CCDC77: variants seen among roughly 807,000 people sequenced by gnomAD.
CCDC77 encodes coiled-coil domain containing 77.
In CCDC77, 56 loss-of-function variants were observed where a neutral mutation model predicts 66.8. The ratio of observed to expected loss-of-function variants is 0.84; its 90% CI spans 0.68 to 1.05. The LOEUF (loss-of-function observed/expected upper bound fraction) is 1.05, where lower values mean the gene tolerates loss of function less well. Ranked by LOEUF, CCDC77 falls within the 50% of genes least tolerant of loss-of-function variation. The pLI is 0.00. For missense variants in CCDC77, 570 were observed against 576.8 expected, an observed-to-expected ratio of 0.99 and a Z score of 0.12; for synonymous variants, 196 against 195.2, an observed-to-expected ratio of 1.00 and a Z score of -0.03.
intron 5 of CCDC77, among the ~76,000 whole-genome samples, chr12:423,494 G>GTTTGTTTTTGTTTTTT (rs1945469706): frequency 2.8e-5 from 1 of 35,416 alleles, no homozygotes; most frequent in African/African-American, 1.2e-4. Flanking sequence ...TTTTTGTTTT[G>GTTTGTTTTTGTTTTTT]TTTTTTTTTT....
chr12:417,243 G>A (rs548483173), intron 4 of CCDC77, among the ~76,000 whole-genome samples: 3 of 151,712 alleles, frequency 2.0e-5, no homozygotes, highest in East Asian at 1.9e-4. Flanking sequence ...CTCAAGTTTC[G>A]TCTGTGTTGT....
intron 12 of CCDC77, 110 bp downstream of exon 12, chr12:441,106 C>G (rs1945850177): frequency 9.0e-7 from 1 of 1,114,660 alleles, no homozygotes; most frequent in Non-Finnish European, 1.3e-6. Flanking sequence ...CTGGTAAACA[C>G]TAACAGATCA....
intron 5 of CCDC77, among the ~76,000 whole-genome samples, chr12:419,316 G>A (rs1050417027): frequency 3.9e-5 from 6 of 152,240 alleles, no homozygotes; most frequent in Non-Finnish European, 5.9e-5. Flanking sequence ...AAACTTGGGA[G>A]AAGAAGCCCC....
At chr12:419,341 C>G (rs1385853122) in intron 5 of CCDC77, among the ~76,000 whole-genome samples, 1 of 152,208 alleles carries the variant, frequency 6.6e-6, no homozygotes, top group Non-Finnish European at 1.5e-5. Flanking sequence ...AGCCAAGTGT[C>G]ATTTTTCAGA....
intron 5 of CCDC77, among the ~76,000 whole-genome samples, chr12:423,477 GTGTTTTTTTTTGTTTTGTTTT>G (rs1591981683): frequency 8.0e-5 from 2 of 24,958 alleles, no homozygotes; most frequent in Non-Finnish European, 2.1e-4. Context: ...TGTGTTTTTT[GTGTTTTTTTTTGTTTTGTTTT>G]TTTTTTTTTT....
chr12:402,652 T>C (rs1045052771), intron 1 of CCDC77, among the ~76,000 whole-genome samples: 3 of 152,242 alleles, frequency 2.0e-5, no homozygotes, highest in Non-Finnish European at 4.4e-5. Context: ...TTGGATTTAA[T>C]GCTTTAGGCT....
chr12:392,409 T>G (rs1721567441), intron 1 of CCDC77, among the ~76,000 whole-genome samples: 1 of 152,152 alleles, frequency 6.6e-6, no homozygotes, highest in Non-Finnish European at 1.5e-5. Flanking sequence ...TTTCCACCAG[T>G]GATTCTCAAA....
intron 9 of CCDC77, among the ~76,000 whole-genome samples, chr12:434,540 C>T (rs1177242046): frequency 6.6e-6 from 1 of 151,894 alleles, no homozygotes; most frequent in Non-Finnish European, 1.5e-5. Context: ...TTAGTAGAGA[C>T]GGGGTGTCAC....
At chr12:418,203 C>G (rs1276044078) in intron 4 of CCDC77, among the ~76,000 whole-genome samples, 3 of 152,148 alleles carry the variant, frequency 2.0e-5, no homozygotes, top group African/African-American at 7.2e-5. Flanking sequence ...CCTGTAATCT[C>G]AGCTACTCGG....
At chr12:409,524 T>C in intron 3 of CCDC77, 103 bp downstream of exon 3, 1 of 1,115,130 alleles carries the variant, frequency 9.0e-7, no homozygotes, top group Non-Finnish European at 1.3e-6. Context: ...TTTCCTAAAG[T>C]TTTTTTTCTT....
chr12:416,575 A>C (rs1046356867), intron 4 of CCDC77, among the ~76,000 whole-genome samples: 1 of 150,080 alleles, frequency 6.7e-6, no homozygotes, highest in Admixed American at 6.7e-5. Context: ...CACCACACTC[A>C]GCTGATTTTT....
chr12:427,781 CT>C, intron 5 of CCDC77, among the ~76,000 whole-genome samples: 1 of 152,194 alleles, frequency 6.6e-6, no homozygotes, highest in South Asian at 2.1e-4. Flanking sequence ...CCCGAAATCC[CT>C]TTTTAGCGTT....
At chr12:418,255 G>GTGAGC in intron 4 of CCDC77, among the ~76,000 whole-genome samples, 1 of 152,336 alleles carries the variant, frequency 6.6e-6, no homozygotes, top group Non-Finnish European at 1.5e-5. Context: ...GGAGGTTGCA[G>GTGAGC]TGAGCTGAGA....
chr12:422,325 G>C (rs1223265312), intron 5 of CCDC77, among the ~76,000 whole-genome samples: 1 of 152,246 alleles, frequency 6.6e-6, no homozygotes, highest in Non-Finnish European at 1.5e-5. Flanking sequence ...CGGTTCAGTG[G>C]CATTAAGTAT....
chr12:402,097 T>A (rs1396162219), intron 1 of CCDC77, among the ~76,000 whole-genome samples: 1 of 152,108 alleles, frequency 6.6e-6, no homozygotes, highest in African/African-American at 2.4e-5. Flanking sequence ...AAGAAAAAAA[T>A]TCAAAGTGCT....
chr12:429,522 C>T (rs1184106424), intron 6 of CCDC77, among the ~76,000 whole-genome samples: 1 of 150,924 alleles, frequency 6.6e-6, no homozygotes, highest in African/African-American at 2.4e-5. Context: ...GTGCAATGCG[C>T]AATCTCGGCT....
chr12:441,081 T>G, intron 12 of CCDC77, 85 bp downstream of exon 12: 8 of 1,345,906 alleles, frequency 5.9e-6, no homozygotes, highest in African/African-American at 1.4e-5. Flanking sequence ...AAAAGAAGGA[T>G]GTGCTGTTTC....
At chr12:436,536 T>C (rs886356704) in intron 9 of CCDC77, among the ~76,000 whole-genome samples, 1 of 152,200 alleles carries the variant, frequency 6.6e-6, no homozygotes, top group Admixed American at 6.5e-5. Context: ...CTATGTTTCT[T>C]TTAACATAGT....
At chr12:425,516 A>C (rs1945511641) in intron 5 of CCDC77, among the ~76,000 whole-genome samples, 1 of 151,948 alleles carries the variant, frequency 6.6e-6, no homozygotes, top group African/African-American at 2.4e-5. Flanking sequence ...CTTCCATGTC[A>C]GTTGATACAT....
Sources: allele counts gnomAD v4.1 joint callset (sites outside exome capture counted in the v4.1 genomes callset), GRCh38; gene constraint gnomAD v4.1.1; transcripts MANE v1.5; gene names NCBI Gene and HGNC (gene_info 2026-07-23, HGNC 2026-07-21).